The following TESK2 variants were observed in gnomAD, a reference collection of about 807,000 sequenced individuals.
TESK2 encodes the protein dual specificity testis-specific protein kinase 2.
TESK2 carries 39 observed loss-of-function variants against 57.1 expected under a neutral mutation model. That is an observed-to-expected ratio of 0.68 (90% confidence interval 0.53 to 0.89). TESK2 has a LOEUF of 0.89. Ranked by LOEUF, TESK2 falls within the 40% of genes least tolerant of loss-of-function variation. The probability of loss-of-function intolerance (pLI) is 0.00; values close to 1 mark genes in which losing one functional copy is unlikely to be tolerated. For synonymous variants in TESK2, 249 were observed against 267.9 expected (o/e 0.93, Z 0.69); for missense variants, 646 against 732.1 (o/e 0.88, Z 1.36).
chr1:45,461,957 T>C (rs879479198), intron 1 of TESK2, among the ~76,000 whole-genome samples: 3 of 152,224 alleles, frequency 2.0e-5, no homozygotes, highest in Non-Finnish European at 4.4e-5. Context: ...CTCCCAGTTA[T>C]TCTAAAATAT....
At chr1:45,390,490 G>GC (rs1649090534) in intron 3 of TESK2, among the ~76,000 whole-genome samples, 1 of 150,666 alleles carries the variant, frequency 6.6e-6, no homozygotes, top group Admixed American at 6.6e-5. Context: ...ATCTTCCCTT[G>GC]CCCCCTCACT....
intron 3 of TESK2, among the ~76,000 whole-genome samples, chr1:45,386,245 T>C (rs969083080): frequency 6.7e-6 from 1 of 149,852 alleles, no homozygotes; most frequent in African/African-American, 2.5e-5. Flanking sequence ...CTCAGGAGAC[T>C]GAGGCAGGAG....
chr1:45,474,453 C>G (rs1652902236), intron 1 of TESK2, among the ~76,000 whole-genome samples: 1 of 152,112 alleles, frequency 6.6e-6, no homozygotes, highest in Middle Eastern at 3.4e-3. Context: ...ATAGCAAGAC[C>G]CCATCTCTTT....
chr1:45,415,327 G>T (rs1315257410), intron 3 of TESK2: 2 of 1,110,562 alleles, frequency 1.8e-6, no homozygotes, highest in Non-Finnish European at 2.7e-6. Context: ...CACCATTGCT[G>T]ACTGTGGACA....
rs72478600 is a variant in TESK2 at position 45,441,751 on chromosome 1, A to G, written c.222+15813T>C. 5.7e-4 allele frequency among the ~76,000 whole-genome samples: 84 copies of G among 147,438 alleles called. No individual in the cohort carries two copies. In the East Asian group the frequency reaches 0.013, roughly 24 times the overall value. On this transcript the variant is annotated intron_variant, in intron 2 of 10. Coordinates refer to ENST00000372086, the MANE Select transcript of TESK2 (RefSeq NM_007170.3). ...CTCCTGCCTCAGCCTCCGAGTAGTG[A>G]GATTACAGGTACGTGCCACCACGCC...
intron 5 of TESK2, among the ~76,000 whole-genome samples, chr1:45,349,019 A>G (rs531685494): frequency 7.3e-4 from 111 of 152,182 alleles, no homozygotes; most frequent in Non-Finnish European, 1.2e-3. Context: ...CTCTGGCTCA[A>G]GAGGCACCTC....
intron 2 of TESK2, among the ~76,000 whole-genome samples, chr1:45,440,228 G>T (rs1470582143): frequency 1.3e-5 from 2 of 151,846 alleles, no homozygotes; most frequent in African/African-American, 4.8e-5. Context: ...CTGGGATTAA[G>T]GTGTGAGCCA....
At chr1:45,455,072 C>T (rs769979950) in intron 2 of TESK2, among the ~76,000 whole-genome samples, 3 of 152,138 alleles carry the variant, frequency 2.0e-5, no homozygotes, top group South Asian at 2.1e-4. Flanking sequence ...AATCAGGCCG[C>T]ACTTTGGCCC....
At chr1:45,482,250 G>T (rs985074731) in intron 1 of TESK2, among the ~76,000 whole-genome samples, 1 of 152,200 alleles carries the variant, frequency 6.6e-6, no homozygotes, top group Admixed American at 6.6e-5. Flanking sequence ...AAGTTGGCCA[G>T]GCATGGTGGC....
intron 2 of TESK2, among the ~76,000 whole-genome samples, chr1:45,427,234 C>CAAAAAAAAAAAAAAAAAA (rs111269135): frequency 1.5e-5 from 2 of 129,504 alleles, no homozygotes; most frequent in Non-Finnish European, 3.2e-5. Flanking sequence ...GACTCTGTCT[C>CAAAAAAAAAAAAAAAAAA]AAAAAAAAAA....
At chr1:45,460,418 G>A (rs1652287123) in intron 1 of TESK2, among the ~76,000 whole-genome samples, 1 of 152,110 alleles carries the variant, frequency 6.6e-6, no homozygotes, top group Admixed American at 6.5e-5. Flanking sequence ...TACTCGGGAA[G>A]CTGAGGCAGG....
intron 2 of TESK2, among the ~76,000 whole-genome samples, chr1:45,448,237 C>CAAA (rs762537140): frequency 2.0e-4 from 17 of 84,312 alleles, no homozygotes; most frequent in Middle Eastern, 6.6e-3. Flanking sequence ...GACCCTGTCT[C>CAAA]AAAAAAAAAA....
At chr1:45,406,549 G>T (rs561719428) in intron 3 of TESK2, among the ~76,000 whole-genome samples, 1 of 152,254 alleles carries the variant, frequency 6.6e-6, no homozygotes, top group African/African-American at 2.4e-5. Flanking sequence ...CAGCTGTTGT[G>T]AAGGCTGAGG....
intron 4 of TESK2, among the ~76,000 whole-genome samples, chr1:45,375,507 T>C (rs573381865): frequency 3.4e-4 from 52 of 151,154 alleles, no homozygotes; most frequent in African/African-American, 9.0e-4. Context: ...CCTGTCTACA[T>C]GTTGAAAATT....
chr1:45,414,966 AAGAT>A (rs1365155337), intron 3 of TESK2: 2 of 598,652 alleles, frequency 3.3e-6, no homozygotes, highest in African/African-American at 3.7e-5. Context: ...GAATAAAAAA[AAGAT>A]AGGTGCTTTG....
chr1:45,380,676 A>G (rs572649618), intron 4 of TESK2, among the ~76,000 whole-genome samples: 1 of 152,364 alleles, frequency 6.6e-6, no homozygotes, highest in South Asian at 2.1e-4. Flanking sequence ...GTCTCTGGAC[A>G]GCGTCAATTT....
chr1:45,355,555 T>C, intron 4 of TESK2, 106 bp from the exon 5 acceptor site: 2 of 1,338,074 alleles, frequency 1.5e-6, no homozygotes, highest in Non-Finnish European at 2.0e-6. Context: ...GTATTTTTTT[T>C]TTAAGTTACT....
chr1:45,471,669 G>C (rs1365677212), intron 1 of TESK2, among the ~76,000 whole-genome samples: 1 of 152,056 alleles, frequency 6.6e-6, no homozygotes, highest in Non-Finnish European at 1.5e-5. Flanking sequence ...GCCTCCCAAA[G>C]TGCTGAGATT....
At chr1:45,466,209 G>C (rs1424423637) in intron 1 of TESK2, among the ~76,000 whole-genome samples, 1 of 152,054 alleles carries the variant, frequency 6.6e-6, no homozygotes, top group African/African-American at 2.4e-5. Flanking sequence ...AGGCGCGGTG[G>C]CTCACACCTG....
Sources: allele counts gnomAD v4.1 joint callset (sites outside exome capture counted in the v4.1 genomes callset), GRCh38; gene constraint gnomAD v4.1.1; transcripts MANE v1.5; gene names NCBI Gene and HGNC (gene_info 2026-07-23, HGNC 2026-07-21).